The following LOXHD1 variants were observed in gnomAD, a reference collection of about 807,000 sequenced individuals.
LOXHD1 encodes the protein lipoxygenase homology domain-containing protein 1.
In LOXHD1, 205 loss-of-function variants were observed where a neutral mutation model predicts 248.2. The ratio of observed to expected loss-of-function variants is 0.83; its 90% CI spans 0.74 to 0.93. LOXHD1 has a LOEUF of 0.93. Ranked by LOEUF, LOXHD1 falls within the 40% of genes least tolerant of loss-of-function variation. LOXHD1 has a pLI of 0.00. For missense variants in LOXHD1, 2,930 were observed against 2,971.6 expected (o/e 0.99, Z 0.33); for synonymous variants, 1,113 against 1,162.8 (o/e 0.96, Z 0.87).
chr18:46,492,528 C>A (rs937191912), intron 37 of LOXHD1, among the ~76,000 whole-genome samples: 3 of 152,166 alleles, frequency 2.0e-5, no homozygotes, highest in Admixed American at 6.5e-5. Context: ...AAACCACACC[C>A]GCAATTCAAT....
intron 34 of LOXHD1, among the ~76,000 whole-genome samples, chr18:46,517,291 T>C (rs1286005727): frequency 1.3e-5 from 2 of 152,120 alleles, no homozygotes; most frequent in Admixed American, 6.5e-5. Flanking sequence ...AGGAGGGCCA[T>C]CTTTAATGTC....
intron 38 of LOXHD1, 39 bp downstream of exon 38, chr18:46,488,933 C>T (rs1208159307): frequency 1.4e-5 from 22 of 1,537,406 alleles, no homozygotes; most frequent in Non-Finnish European, 1.8e-5. Flanking sequence ...CAGCACCATT[C>T]CCTGCCTCCC....
At chr18:46,591,872 C>A in intron 12 of LOXHD1, 61 bp downstream of exon 12, 2 of 1,543,936 alleles carry the variant, frequency 1.3e-6, no homozygotes, top group Admixed American at 2.0e-5. Flanking sequence ...AGGTCAGGCC[C>A]ATCGGGACAC....
intron 1 of LOXHD1, 33 bp downstream of exon 1, chr18:46,656,871 A>G (rs760905703): frequency 1.3e-6 from 2 of 1,548,240 alleles, no homozygotes; most frequent in Non-Finnish European, 1.7e-6. Flanking sequence ...AGCCAGCTGC[A>G]CCACCCGCCC....
intron 27 of LOXHD1, among the ~76,000 whole-genome samples, chr18:46,533,946 T>C (rs1367169372): frequency 6.6e-6 from 1 of 152,212 alleles, no homozygotes; most frequent in East Asian, 1.9e-4. Flanking sequence ...TCTTCATTCA[T>C]ATCCATAGCT....
chr18:46,608,299 T>C (rs1043120668), intron 6 of LOXHD1, among the ~76,000 whole-genome samples: 2 of 152,166 alleles, frequency 1.3e-5, no homozygotes, highest in African/African-American at 4.8e-5. Flanking sequence ...TTTTCACCCA[T>C]AGATTTCACA....
chr18:46,601,320 G>A lies in LOXHD1; in HGVS notation c.1031C>T (p.Thr344Met). 1 of 1,551,684 alleles carries A rather than the reference G, an allele frequency of 6.4e-7. No homozygotes were observed. Residue 344 changes from threonine (T) to methionine (M), a missense_variant, in exon 8 of 41, where the codon ACG becomes ATG. By Grantham distance (81) the Thr-to-Met change is moderately conservative. Transcript: ENST00000642948. The part of the protein sequence containing the change: ...LEGGVFDRGR[T>M]DIFHIELAVL... The stretch of plus-strand genomic sequence containing the variant: ...AGCCAGCTCGATGTGGAAGATGTCC[G>A]TGCGGCCTCGGTCAAACACGCCGCC...
chr18:46,545,101 G>GT (rs1451194800), intron 23 of LOXHD1, among the ~76,000 whole-genome samples: 1 of 152,082 alleles, frequency 6.6e-6, no homozygotes, highest in Non-Finnish European at 1.5e-5. Context: ...GTGGAGTCAG[G>GT]GCTACCTTCA....
At chr18:46,505,809 C>A (rs751689488) in intron 37 of LOXHD1, 29 bp downstream of exon 37, 90 of 1,551,058 alleles carry the variant, frequency 5.8e-5, no homozygotes, top group Non-Finnish European at 5.6e-5. Flanking sequence ...GGCTGCCCTC[C>A]CACCAACCTG....
intron 10 of LOXHD1, among the ~76,000 whole-genome samples, chr18:46,592,933 G>A (rs2038198516): frequency 6.6e-6 from 1 of 152,190 alleles, no homozygotes; most frequent in East Asian, 1.9e-4. Flanking sequence ...CAGGCCCACA[G>A]CCCCAGGACT....
chr18:46,499,505 A>G (rs1412297419), intron 37 of LOXHD1, among the ~76,000 whole-genome samples: 2 of 152,224 alleles, frequency 1.3e-5, no homozygotes, highest in African/African-American at 4.8e-5. Context: ...GAAAATAGCT[A>G]ATCTTAGACC....
In LOXHD1 at chr18:46,489,155, C is replaced by T; in HGVS notation, c.5879-13G>A. The T allele has an allele frequency of 6.4e-7, 1 of 1,551,608 alleles. No individual in the cohort carries two copies. Among genetic ancestry groups the T allele is most frequent in the Non-Finnish European group, 8.7e-7 (1 of 1,146,954 alleles). On this transcript the variant is annotated splice_polypyrimidine_tract_variant and intron_variant, in intron 37 of 40. Coordinates refer to ENST00000642948, the MANE Select transcript of LOXHD1 (RefSeq NM_001384474.1). ...CCAGGAAATATCCCTGTGGAAAAGA[C>T]ACCATGGGGGTTGGAAGCTGGATGT...
chr18:46,500,693 C>T (rs923081299), intron 37 of LOXHD1, among the ~76,000 whole-genome samples: 1 of 152,124 alleles, frequency 6.6e-6, no homozygotes, highest in African/African-American at 2.4e-5. Flanking sequence ...TTATGCATGG[C>T]CTGGTTCCTA....
rs1396540975 is a variant in LOXHD1 at position 46,524,793 on chromosome 18, T to C, written c.4655A>G (p.Asn1552Ser). The C allele has an allele frequency of 4.5e-6, 7 of 1,551,560 alleles. No homozygotes were observed. In the Admixed American group the frequency reaches 1.2e-4, roughly 26 times the overall value. The part of the protein sequence containing the change: ...VEKVEIWNDT[N>S]EDEFLFLCGR... ...GCATAGGAACAGGAACTCGTCCTCG[T>C]TGGTGTCATTCCAGATCTCCACCTT... The change falls in exon 30 of 41, where the codon AAC (asparagine) becomes AGC (serine). Residue 1552 changes from asparagine to serine, a missense_variant. Physicochemically the swap from Asn to Ser is conservative, Grantham distance 46 (BLOSUM62 1). Transcript: ENST00000642948.
At chr18:46,502,461 C>A (rs1392561021) in intron 37 of LOXHD1, among the ~76,000 whole-genome samples, 1 of 152,142 alleles carries the variant, frequency 6.6e-6, no homozygotes, top group East Asian at 1.9e-4. Flanking sequence ...AACTCTCTAC[C>A]TTTTATTGAT....
intron 5 of LOXHD1, among the ~76,000 whole-genome samples, chr18:46,617,431 G>T (rs929551625): frequency 6.6e-6 from 1 of 152,088 alleles, no homozygotes; most frequent in South Asian, 2.1e-4. Context: ...CCCCTAGATT[G>T]TTGAGCATGA....
intron 4 of LOXHD1, among the ~76,000 whole-genome samples, chr18:46,618,915 T>A (rs1481537274): frequency 1.3e-5 from 2 of 152,234 alleles, no homozygotes; most frequent in African/African-American, 4.8e-5. Context: ...GCTTCCTGTA[T>A]CTTTGCTCCA....
In LOXHD1 at chr18:46,610,832, T is replaced by G. The variant is rs1171919058; in HGVS notation, c.703A>C (p.Lys235Gln). 2.6e-6 allele frequency: 4 copies of G among 1,551,630 alleles called. No homozygotes were observed. The highest frequency in any genetic ancestry group is 3.5e-6 in the Non-Finnish European group (4 of 1,146,996). The change falls in exon 6 of 41, where the codon AAG (lysine) becomes CAG (glutamine). Residue 235 changes from lysine (K) to glutamine (Q), a missense_variant. Lys to Gln is a moderately conservative substitution (Grantham distance 53, BLOSUM62 1). Coordinates refer to ENST00000642948, the MANE Select transcript of LOXHD1 (RefSeq NM_001384474.1). ...TTATTGTTGTGGCCAACATTGATCT[T>G]CATCAGCTGCCCCAAATCCGGGGCA... is the stretch of plus-strand genomic sequence containing the variant. ...LDAPDLGQLMKINVGHNNKGG... is the reference protein window; with the variant it reads ...LDAPDLGQLMQINVGHNNKGG...
chr18:46,501,961 T>C (rs181099852), intron 37 of LOXHD1, among the ~76,000 whole-genome samples: 4 of 152,334 alleles, frequency 2.6e-5, no homozygotes, highest in African/African-American at 4.8e-5. Context: ...TGTGATTACA[T>C]GACTTTTTCA....
Sources: allele counts gnomAD v4.1 joint callset (sites outside exome capture counted in the v4.1 genomes callset), GRCh38; gene constraint gnomAD v4.1.1; transcripts MANE v1.5; gene names NCBI Gene and HGNC (gene_info 2026-07-23, HGNC 2026-07-21).